Variants in DSTN observed in about 807,000 individuals in gnomAD.
DSTN encodes destrin.
Under a neutral mutation model 16.8 loss-of-function variants are expected in DSTN, and 10 were observed. The ratio of observed to expected loss-of-function variants is 0.60; its 90% CI spans 0.37 to 1.01. The LOEUF (loss-of-function observed/expected upper bound fraction) is 1.01, where lower values mean the gene tolerates loss of function less well. Ranked by LOEUF, DSTN falls within the 50% of genes least tolerant of loss-of-function variation. DSTN has a pLI of 0.01. For synonymous variants in DSTN, 57 were observed against 58.9 expected, an observed-to-expected ratio of 0.97 and a Z score of 0.14; for missense variants, 141 against 196.7, an observed-to-expected ratio of 0.72 and a Z score of 1.69.
rs754252238 is a variant in DSTN at position 17,601,037 on chromosome 20, T to G, written c.303T>G (p.Phe101Leu). Residue 101 changes from phenylalanine (F) to leucine (L), a missense_variant, in exon 2 of 4, where the codon TTT (phenylalanine) becomes TTG (leucine). Transcript: ENST00000246069. ...TKESRKEELM[F>L]FLWAPELAPL... Reference sequence around the variant, plus strand: ...AATCCAGAAAAGAAGAGTTGATGTTTTTTTTGTGGTAAGCATGTTAGAAAT... The same window carrying G: ...AATCCAGAAAAGAAGAGTTGATGTTGTTTTTGTGGTAAGCATGTTAGAAAT... 1 of 1,590,966 alleles carries G rather than the reference T, an allele frequency of 6.3e-7. No individual in the cohort carries two copies. Among genetic ancestry groups the G allele is most frequent in the Non-Finnish European group, 8.6e-7 (1 of 1,167,624 alleles).
At chr20:17,601,965 G>A (rs570041107) in intron 2 of DSTN, among the ~76,000 whole-genome samples, 4 of 151,466 alleles carry the variant, frequency 2.6e-5, no homozygotes, top group Admixed American at 2.0e-4. Context: ...GAGGGGCAAG[G>A]ATTCTCTTGA....
intron 1 of DSTN, among the ~76,000 whole-genome samples, chr20:17,589,471 T>G (rs532014300): frequency 1.3e-5 from 2 of 152,340 alleles, no homozygotes; most frequent in South Asian, 2.1e-4. Flanking sequence ...TCCCAAAATT[T>G]TGGGATTACA....
chr20:17,602,920 T>C (rs1600713584), intron 2 of DSTN, among the ~76,000 whole-genome samples: 2 of 152,160 alleles, frequency 1.3e-5, no homozygotes, highest in South Asian at 4.1e-4. Context: ...CTCGGGAGGC[T>C]GAGGCAGGAG....
At chr20:17,574,870 G>GTTTT (rs533880691) in intron 1 of DSTN, among the ~76,000 whole-genome samples, 8,386 of 81,410 alleles carry the variant, frequency 0.1, 1,255 homozygotes, top group East Asian at 0.36. Flanking sequence ...CTTTTCTTTT[G>GTTTT]TTTTTTTTTT....
chr20:17,575,653 T>C (rs2035270478), intron 1 of DSTN, among the ~76,000 whole-genome samples: 1 of 152,070 alleles, frequency 6.6e-6, no homozygotes. Context: ...TTAAAAGCTT[T>C]ACATATATAA....
Position 17,607,358 on chromosome 20 carries a change from A to C in DSTN, c.*212A>C. The C allele has an allele frequency of 4.5e-6, 2 of 440,292 alleles. No homozygotes were observed. The highest frequency in any genetic ancestry group is 4.0e-6 in the Non-Finnish European group (1 of 251,574). 27.3% of individuals were successfully genotyped at this position (440,292 alleles called of 1,614,324 possible). On this transcript the variant is annotated 3_prime_UTR_variant, in exon 4 of 4. Coordinates refer to ENST00000246069, the MANE Select transcript of DSTN (RefSeq NM_006870.4). ...GTGAAATTAAATTCTTATTGGCCAAATGCCTGTTTTGATGAGTTGATTTAT... is the reference window on the plus strand; with the variant it reads ...GTGAAATTAAATTCTTATTGGCCAACTGCCTGTTTTGATGAGTTGATTTAT...
chr20:17,596,506 C>A, intron 1 of DSTN: 1 of 462,872 alleles, frequency 2.2e-6, no homozygotes, highest in Non-Finnish European at 2.8e-6. Flanking sequence ...TTCTCTGATA[C>A]CACTCTTTTG....
intron 1 of DSTN, among the ~76,000 whole-genome samples, chr20:17,584,945 C>A (rs1218232628): frequency 6.6e-6 from 1 of 152,152 alleles, no homozygotes; most frequent in Non-Finnish European, 1.5e-5. Flanking sequence ...ATTTACTTTG[C>A]AGTTCTCCTG....
intron 1 of DSTN, among the ~76,000 whole-genome samples, chr20:17,595,697 C>A (rs1170592486): frequency 1.3e-5 from 2 of 152,008 alleles, no homozygotes; most frequent in Non-Finnish European, 2.9e-5. Flanking sequence ...ACTCTGTGAC[C>A]CTGGGCAAAT....
At chr20:17,583,079 A>G (rs778909438) in intron 1 of DSTN, among the ~76,000 whole-genome samples, 7 of 152,254 alleles carry the variant, frequency 4.6e-5, no homozygotes, top group Non-Finnish European at 7.3e-5. Context: ...CAAATGACTA[A>G]TAAGCCAATG....
At position 17,607,491 on chromosome 20, in the gene DSTN, C is replaced by G. The variant is rs1327619594; in HGVS notation, c.*345C>G. ...ATTAACCTCAGCATTTACTTTGTTT[C>G]TTTTGCTTAGGAAATTGCTCATAAT... On this transcript the variant is annotated 3_prime_UTR_variant, in exon 4 of 4. Transcript: ENST00000246069. 3 of 189,634 alleles carry G rather than the reference C, an allele frequency of 1.6e-5. No homozygotes were observed. Among genetic ancestry groups the G allele is most frequent in the Non-Finnish European group, 3.2e-5 (3 of 93,154 alleles). 11.7% of individuals were successfully genotyped at this position (189,634 alleles called of 1,614,324 possible).
At chr20:17,597,616 A>G (rs2035540647) in intron 1 of DSTN, among the ~76,000 whole-genome samples, 1 of 152,128 alleles carries the variant, frequency 6.6e-6, no homozygotes, top group Non-Finnish European at 1.5e-5. Context: ...CTGGCTCTCC[A>G]TTGTCTTTTA....
rs1282696150 is a variant in DSTN at position 17,574,009 on chromosome 20, G to C, written c.3+3798G>C. ...GAAGCCAGGAGTTGGAGACCAGCCT[G>C]GACAATATAGTGAGACCTTGTCTGA... On this transcript the variant is annotated intron_variant, in intron 1 of 3. Coordinates refer to ENST00000246069, the MANE Select transcript of DSTN (RefSeq NM_006870.4). Among the ~76,000 whole-genome samples, 10 of 152,082 alleles carry C rather than the reference G, an allele frequency of 6.6e-5. No individual in the cohort carries two copies. In the East Asian group the frequency reaches 1.9e-3, roughly 29 times the overall value.
chr20:17,580,381 T>C (rs1223840537), intron 1 of DSTN, among the ~76,000 whole-genome samples: 1 of 152,176 alleles, frequency 6.6e-6, no homozygotes, highest in Non-Finnish European at 1.5e-5. Flanking sequence ...CAATCTGATA[T>C]GGAGGAAGAG....
chr20:17,574,870 G>GTTTTTTTTTTTTTTTTTTTTTTTTTT (rs533880691), intron 1 of DSTN, among the ~76,000 whole-genome samples: 2 of 81,158 alleles, frequency 2.5e-5, no homozygotes, highest in Non-Finnish European at 2.2e-5. Context: ...CTTTTCTTTT[G>GTTTTTTTTTTTTTTTTTTTTTTTTTT]TTTTTTTTTT....
chr20:17,573,376 ACTG>A (rs2035229737), intron 1 of DSTN, among the ~76,000 whole-genome samples: 1 of 152,110 alleles, frequency 6.6e-6, no homozygotes, highest in Admixed American at 6.5e-5. Context: ...TGGTTCTTCA[ACTG>A]CTGAATTGTG....
In DSTN at chr20:17,602,609, C is replaced by A. The variant is rs2035598356; in HGVS notation, c.311+1564C>A. ...AGAAAAGGTAGAACCTTATTAAAGG[C>A]ATTTTCTATAACAAGCTCCGCCCAT... On this transcript the variant is annotated intron_variant, in intron 2 of 3. Transcript: ENST00000246069. Among the ~76,000 whole-genome samples the A allele has an allele frequency of 3.3e-5, 5 of 152,152 alleles. No individual in the cohort carries two copies. In the South Asian group the frequency reaches 1.0e-3, roughly 32 times the overall value.
At chr20:17,591,634 GACT>G (rs2122189324) in intron 1 of DSTN, among the ~76,000 whole-genome samples, 1 of 152,252 alleles carries the variant, frequency 6.6e-6, no homozygotes, top group South Asian at 2.1e-4. Context: ...CAAACTCTCA[GACT>G]CTACCCCAGA....
chr20:17,590,066 T>TAC (rs1352037913), intron 1 of DSTN, among the ~76,000 whole-genome samples: 4 of 152,232 alleles, frequency 2.6e-5, no homozygotes, highest in Non-Finnish European at 5.9e-5. Flanking sequence ...TAGGAGGGAC[T>TAC]GCTGTAAGCT....
Sources: allele counts gnomAD v4.1 joint callset (sites outside exome capture counted in the v4.1 genomes callset), GRCh38; gene constraint gnomAD v4.1.1; transcripts MANE v1.5; gene names NCBI Gene and HGNC (gene_info 2026-07-23, HGNC 2026-07-21).